The following ATP6V0A4 variants were observed in gnomAD, a reference collection of about 807,000 sequenced individuals.
ATP6V0A4 encodes the protein V-type proton ATPase 116 kDa subunit a 4.
In ATP6V0A4, 86 loss-of-function variants were observed where a neutral mutation model predicts 107.3. That is an observed-to-expected ratio of 0.80 (90% CI 0.67 to 0.96). The LOEUF (loss-of-function observed/expected upper bound fraction) is 0.96, where lower values mean the gene tolerates loss of function less well. Among genes scored for constraint, ATP6V0A4 ranks in the 40% least tolerant of loss-of-function variants. The pLI is 0.00. For missense variants in ATP6V0A4, 908 were observed against 1,045.6 expected (o/e 0.87, Z 1.81); for synonymous variants, 353 against 381.4 (o/e 0.93, Z 0.87).
At chr7:138,708,665 C>T (rs1803574903) in intron 21 of ATP6V0A4, among the ~76,000 whole-genome samples, 1 of 152,202 alleles carries the variant, frequency 6.6e-6, no homozygotes, top group African/African-American at 2.4e-5. Flanking sequence ...TACATCTGTG[C>T]ATGTCCAGGG....
chr7:138,766,284 C>A (rs1563010708), intron 5 of ATP6V0A4, among the ~76,000 whole-genome samples: 1 of 151,174 alleles, frequency 6.6e-6, no homozygotes, highest in Non-Finnish European at 1.5e-5. Flanking sequence ...TTCCCTGCAA[C>A]CTCCCTCTCC....
chr7:138,755,082 C>T lies in ATP6V0A4; in HGVS notation c.816+607G>A, dbSNP rs115745711. Among the ~76,000 whole-genome samples, 1,051 of 152,302 alleles carry T rather than the reference C, an allele frequency of 6.9e-3. 11 individuals are homozygous for T. Among genetic ancestry groups the T allele is most frequent in the African/African-American group, 0.024 (988 of 41,556 alleles). ...CTTCTATCATAACCGAAAGTTCTAT[C>T]GAACTCTAGCACTGATGAGAGTCTG... On this transcript the variant is annotated intron_variant, in intron 10 of 21. Coordinates refer to ENST00000310018, the MANE Select transcript of ATP6V0A4 (RefSeq NM_020632.3).
chr7:138,730,571 G>GA (rs1450729290), intron 17 of ATP6V0A4, among the ~76,000 whole-genome samples: 5 of 152,044 alleles, frequency 3.3e-5, no homozygotes, highest in Non-Finnish European at 7.4e-5. Context: ...CTTTTGAATG[G>GA]AAAAAAAGTT....
chr7:138,740,989 C>A (rs1038150985), intron 14 of ATP6V0A4, among the ~76,000 whole-genome samples: 11 of 151,254 alleles, frequency 7.3e-5, no homozygotes, highest in African/African-American at 2.7e-4. Flanking sequence ...ACTAAAAATA[C>A]AAAAATTAGT....
chr7:138,796,835 A>G (rs1234197855), intron 1 of ATP6V0A4, among the ~76,000 whole-genome samples: 1 of 149,772 alleles, frequency 6.7e-6, no homozygotes, highest in African/African-American at 2.5e-5. Context: ...CAGTCATCTC[A>G]GTCTCCAGTG....
At chr7:138,780,234 G>A (rs1438940273) in intron 2 of ATP6V0A4, 1 of 152,216 alleles carries the variant, frequency 6.6e-6, no homozygotes, top group Non-Finnish European at 1.5e-5. Flanking sequence ...ATGGAGGTTG[G>A]GAGATGGTTT....
At chr7:138,740,203 A>G (rs1218635452) in intron 14 of ATP6V0A4, among the ~76,000 whole-genome samples, 1 of 152,044 alleles carries the variant, frequency 6.6e-6, no homozygotes, top group Admixed American at 6.6e-5. Context: ...GGTAGAAAGC[A>G]GGGATGCTGG....
chr7:138,717,644 A>C (rs1430868615), intron 19 of ATP6V0A4, among the ~76,000 whole-genome samples: 1 of 152,150 alleles, frequency 6.6e-6, no homozygotes, highest in Non-Finnish European at 1.5e-5. Flanking sequence ...ACGGTGGCTC[A>C]TGCCTGTAAT....
At chr7:138,776,350 C>A (rs1012428693) in intron 2 of ATP6V0A4, among the ~76,000 whole-genome samples, 1 of 152,174 alleles carries the variant, frequency 6.6e-6, no homozygotes, top group Non-Finnish European at 1.5e-5. Context: ...GAGTTGCTTG[C>A]GTTTCTTGAG....
chr7:138,757,477 C>T (rs560636315), intron 8 of ATP6V0A4, among the ~76,000 whole-genome samples: 2 of 152,184 alleles, frequency 1.3e-5, no homozygotes, highest in East Asian at 3.9e-4. Context: ...GATCATACTA[C>T]TGCACTCCAG....
At chr7:138,759,226 A>C (rs1806666485) in intron 8 of ATP6V0A4, among the ~76,000 whole-genome samples, 2 of 150,630 alleles carry the variant, frequency 1.3e-5, no homozygotes, top group African/African-American at 4.9e-5. Context: ...CACTTGGTTA[A>C]CTTTTTTTTG....
intron 1 of ATP6V0A4, among the ~76,000 whole-genome samples, chr7:138,797,094 A>G (rs1808707408): frequency 6.6e-6 from 1 of 150,770 alleles, no homozygotes; most frequent in South Asian, 2.1e-4. Context: ...ACCCTCTGAC[A>G]CTTCCTTACC....
At chr7:138,759,989 G>A (rs961129428) in intron 7 of ATP6V0A4, 111 bp from the exon 8 acceptor site, 6 of 1,574,746 alleles carry the variant, frequency 3.8e-6, no homozygotes, top group South Asian at 1.1e-5. Context: ...TTCACTCTGT[G>A]AGCAGGAGGG....
intron 16 of ATP6V0A4, among the ~76,000 whole-genome samples, chr7:138,733,466 C>T (rs1411733879): frequency 6.8e-6 from 1 of 147,282 alleles, no homozygotes; most frequent in African/African-American, 2.5e-5. Context: ...GACCTGGAAG[C>T]TTTTTCCTAA....
chr7:138,755,072 A>T (rs555590328), intron 10 of ATP6V0A4, among the ~76,000 whole-genome samples: 1 of 152,318 alleles, frequency 6.6e-6, no homozygotes, highest in African/African-American at 2.4e-5. Context: ...ATCATAACCG[A>T]AAGTTCTATC....
At position 138,762,912 on chromosome 7, in the gene ATP6V0A4, T is replaced by G. The variant is rs760777799; in HGVS notation, c.405A>C (p.Gln135His). The G allele has an allele frequency of 2.0e-5, 33 of 1,614,004 alleles. No homozygotes were observed. The African/African-American group carries it at 4.3e-4, about 21-fold the overall frequency. Reference sequence around the variant, plus strand: ...CCCACGTGACCACCTCAAAGAAGTCTTGGGTTTTCTTCAGGAGGTATTTCA... The same window carrying G: ...CCCACGTGACCACCTCAAAGAAGTCGTGGGTTTTCTTCAGGAGGTATTTCA... ...TELKYLLKKT[Q>H]DFFETETNLA... Residue 135 changes from glutamine to histidine, a missense_variant, in exon 6 of 22, where the codon CAA becomes CAC. Transcript: ENST00000310018.
chr7:138,755,071 G>A (rs535634118), intron 10 of ATP6V0A4, among the ~76,000 whole-genome samples: 3 of 152,294 alleles, frequency 2.0e-5, no homozygotes, highest in East Asian at 3.9e-4. Flanking sequence ...TATCATAACC[G>A]AAAGTTCTAT....
At chr7:138,774,634 A>ATATATATTATATACATTATATAT (rs1477625739) in intron 2 of ATP6V0A4, among the ~76,000 whole-genome samples, 29 of 146,300 alleles carry the variant, frequency 2.0e-4, no homozygotes, top group East Asian at 3.9e-4. Context: ...TATATACATT[A>ATATATATTATATACATTATATAT]TATATATTAT....
At chr7:138,754,748 G>A (rs1005071450) in intron 10 of ATP6V0A4, among the ~76,000 whole-genome samples, 2 of 151,834 alleles carry the variant, frequency 1.3e-5, no homozygotes, top group African/African-American at 2.4e-5. Flanking sequence ...TCAGCCTCCC[G>A]AGTAGCTGAG....
Sources: gnomAD v4.1 joint callset for allele counts (sites outside exome capture counted in the v4.1 genomes callset) on GRCh38, gnomAD v4.1.1 for gene constraint, MANE v1.5 for transcripts, NCBI Gene and HGNC (gene_info 2026-07-23, HGNC 2026-07-21) for gene names.